FREM1: variants seen among roughly 807,000 people sequenced by gnomAD.
The protein encoded by FREM1 is FRAS1-related extracellular matrix protein 1.
Under a neutral mutation model 210.1 loss-of-function variants are expected in FREM1, and 220 were observed. The observed-to-expected ratio is 1.05, with a 90% CI of 0.94 to 1.17. The LOEUF is 1.17. FREM1 is among the 50% of genes most tolerant of loss of function. FREM1 has a pLI of 0.00. For synonymous variants in FREM1, 1,189 were observed against 980.2 expected, an observed-to-expected ratio of 1.21 and a Z score of -3.98; for missense variants, 3,454 against 2,675.5, an observed-to-expected ratio of 1.29 and a Z score of -6.42.
At chr9:14,866,760 T>G (rs1043251988) in intron 2 of FREM1, among the ~76,000 whole-genome samples, 6 of 152,202 alleles carry the variant, frequency 3.9e-5, no homozygotes, top group Non-Finnish European at 7.3e-5. Context: ...GACACCCATA[T>G]GTGCCAGTAC....
chr9:14,764,275 T>G (rs528401036), intron 27 of FREM1, among the ~76,000 whole-genome samples: 6 of 152,360 alleles, frequency 3.9e-5, no homozygotes, highest in Non-Finnish European at 8.8e-5. Context: ...TCTTTTTCTT[T>G]ATAAATTACC....
chr9:14,831,003 T>G (rs1823458974), intron 10 of FREM1, among the ~76,000 whole-genome samples: 1 of 152,178 alleles, frequency 6.6e-6, no homozygotes. Context: ...CGTACTCAAG[T>G]CACGGATATA....
intron 1 of FREM1, among the ~76,000 whole-genome samples, chr9:14,903,699 C>T (rs10961784): frequency 0.54 from 82,360 of 151,990 alleles, 22,690 homozygotes; most frequent in Non-Finnish European, 0.6. Context: ...CAACACTGTC[C>T]GCTGCATGTA....
At chr9:14,802,960 G>C (rs1486771768) in intron 19 of FREM1, among the ~76,000 whole-genome samples, 1 of 151,912 alleles carries the variant, frequency 6.6e-6, no homozygotes, top group African/African-American at 2.4e-5. Flanking sequence ...GTTTGAATTT[G>C]TGAAAACTTC....
At chr9:14,817,308 G>A (rs1392412004) in intron 14 of FREM1, among the ~76,000 whole-genome samples, 10 of 152,148 alleles carry the variant, frequency 6.6e-5, no homozygotes, top group African/African-American at 9.7e-5. Flanking sequence ...CCTTCCGCCT[G>A]TGCTCTGGAT....
intron 35 of FREM1, among the ~76,000 whole-genome samples, chr9:14,745,098 C>T (rs774957978): frequency 7.2e-5 from 11 of 152,054 alleles, no homozygotes; most frequent in Admixed American, 6.6e-5. Context: ...GAACAACGCA[C>T]AGTGGGGTCT....
At chr9:14,741,958 A>C (rs915693983) in intron 35 of FREM1, among the ~76,000 whole-genome samples, 1 of 152,244 alleles carries the variant, frequency 6.6e-6, no homozygotes, top group African/African-American at 2.4e-5. Context: ...CCAGAAAGCA[A>C]GAAGTTCCAA....
rs1038957962 is a variant in FREM1, at chr9:14,773,032, C to G, written c.4858-2226G>C. On this transcript the variant is annotated intron_variant, in intron 25 of 36. Coordinates refer to ENST00000380880, the MANE Select transcript of FREM1 (RefSeq NM_001379081.2). ...ATATATCCTAGATCTTATTCAACTT[C>G]TAGCTTTGTCAAAAGTAGATCTTCT... Among the ~76,000 whole-genome samples the G allele has an allele frequency of 1.1e-4, 17 of 152,192 alleles. 1 individual carries two copies. Among genetic ancestry groups the G allele is most frequent in the Admixed American group, 3.3e-4 (5 of 15,264 alleles).
intron 1 of FREM1, among the ~76,000 whole-genome samples, chr9:14,876,446 A>G (rs796606489): frequency 3.0e-4 from 46 of 152,262 alleles, no homozygotes; most frequent in African/African-American, 9.9e-4. Flanking sequence ...TGTGCTAGCA[A>G]TCAGTGAGAC....
chr9:14,783,009 A>G (rs1280409288), intron 24 of FREM1, among the ~76,000 whole-genome samples: 1 of 152,212 alleles, frequency 6.6e-6, no homozygotes, highest in Non-Finnish European at 1.5e-5. Flanking sequence ...GAATCCCCAC[A>G]TCTCACATTT....
At chr9:14,846,164 G>T (rs1407173126) in intron 7 of FREM1, 73 bp from the exon 8 acceptor site, 18 of 1,226,468 alleles carry the variant, frequency 1.5e-5, no homozygotes, top group Middle Eastern at 2.6e-4. Flanking sequence ...ATACACCATG[G>T]AATACTATGC....
intron 30 of FREM1, among the ~76,000 whole-genome samples, chr9:14,749,800 T>A (rs1235535763): frequency 6.6e-6 from 1 of 152,176 alleles, no homozygotes; most frequent in Non-Finnish European, 1.5e-5. Flanking sequence ...CAGAGAAAGA[T>A]AATTATAGCT....
chr9:14,784,517 A>G lies in FREM1; in HGVS notation c.4295T>C (p.Val1432Ala), dbSNP rs757444442. ...GCCATATCGCGGAGGGGAGGTGATG[A>G]CATAGAGCAGTTCCTCAGGCTTGTC... ...GTDKPEELLY[V>A]ITSPPRYGQI... Residue 1432 changes from valine to alanine, a missense_variant, in exon 24 of 37, where the codon GTC becomes GCC. Coordinates refer to ENST00000380880, the MANE Select transcript of FREM1 (RefSeq NM_001379081.2). 1 of 1,613,884 alleles carries G rather than the reference A, an allele frequency of 6.2e-7. No individual in the cohort carries two copies. Among genetic ancestry groups the G allele is most frequent in the Admixed American group, 1.7e-5 (1 of 60,006 alleles).
chr9:14,901,592 T>G (rs780578309), intron 1 of FREM1, among the ~76,000 whole-genome samples: 2 of 152,176 alleles, frequency 1.3e-5, no homozygotes, highest in South Asian at 2.1e-4. Flanking sequence ...AAAATGGATT[T>G]TTTATATAAA....
intron 1 of FREM1, among the ~76,000 whole-genome samples, chr9:14,905,280 G>A (rs1817493370): frequency 6.6e-6 from 1 of 152,172 alleles, no homozygotes; most frequent in Admixed American, 6.5e-5. Flanking sequence ...GAGAGAGAGA[G>A]AGTGCACACT....
intron 11 of FREM1, 104 bp from the exon 12 acceptor site, chr9:14,824,219 T>A (rs1456168237): frequency 1.4e-6 from 1 of 689,886 alleles, no homozygotes; most frequent in Non-Finnish European, 2.5e-6. Context: ...TGAGAAGAAA[T>A]TGGGTGCTCT....
intron 1 of FREM1, among the ~76,000 whole-genome samples, chr9:14,895,109 G>A (rs1180888645): frequency 6.6e-6 from 1 of 152,154 alleles, no homozygotes. Context: ...CAACTCACAG[G>A]TATTTGAGGG....
chr9:14,810,411 A>G (rs1441545028), intron 16 of FREM1, among the ~76,000 whole-genome samples: 8 of 152,198 alleles, frequency 5.3e-5, no homozygotes, highest in Admixed American at 5.2e-4. Context: ...ATATAGCCTA[A>G]GGACATGATT....
Position 14,824,844 on chromosome 9 carries a change from T to C in FREM1, c.2030A>G (p.Glu677Gly). 1.2e-6 allele frequency: 2 copies of C among 1,613,362 alleles called. No individual in the cohort carries two copies. Among genetic ancestry groups the C allele is most frequent in the Non-Finnish European group, 1.7e-6 (2 of 1,179,588 alleles). The change falls in exon 11 of 37, where the codon GAG becomes GGG. Residue 677 changes from glutamate (E) to glycine (G), a missense_variant. Glu to Gly is a moderately conservative substitution (Grantham distance 98). Transcript: ENST00000380880. The stretch of plus-strand genomic sequence containing the variant: ...AGGAGTAGTTATTGTGTAGACCAGC[T>C]CCCTGTCATATGATTCTGAATCTAT... ...HFIDSESYDR[E>G]LVYTITTPPF...
Sources: allele counts gnomAD v4.1 joint callset (sites outside exome capture counted in the v4.1 genomes callset), GRCh38; gene constraint gnomAD v4.1.1; transcripts MANE v1.5; gene names NCBI Gene and HGNC (gene_info 2026-07-23, HGNC 2026-07-21).